TMX3: variants seen among roughly 807,000 people sequenced by gnomAD.
TMX3 encodes the protein thioredoxin related transmembrane protein 3, also known as protein disulfide-isomerase TMX3.
A neutral mutation model predicts 64.4 loss-of-function variants in TMX3; 40 were observed. The observed-to-expected ratio is 0.62, with a 90% CI of 0.48 to 0.81. The LOEUF is 0.81. Among genes scored for constraint, TMX3 ranks in the 30% least tolerant of loss-of-function variants. TMX3 has a pLI of 0.00. For synonymous variants in TMX3, 189 were observed against 175.7 expected, an observed-to-expected ratio of 1.08 and a Z score of -0.60; for missense variants, 497 against 534.5, an observed-to-expected ratio of 0.93 and a Z score of 0.69.
chr18:68,703,592 C>T (rs1339341754), intron 4 of TMX3, among the ~76,000 whole-genome samples: 2 of 152,156 alleles, frequency 1.3e-5, no homozygotes, highest in Non-Finnish European at 2.9e-5. Context: ...TTAACCTTCG[C>T]TTCTGACATA....
Position 68,697,315 on chromosome 18 carries a change from C to T in TMX3, c.493-12G>A. The T allele has an allele frequency of 6.8e-7, 1 of 1,475,140 alleles. No individual in the cohort carries two copies. Among genetic ancestry groups the T allele is most frequent in the African/African-American group, 1.4e-5 (1 of 70,384 alleles). The allele number at this position is 1,475,140 out of a possible 1,614,324, so 91.4% of individuals were successfully genotyped here. On this transcript the variant is annotated splice_polypyrimidine_tract_variant and intron_variant, in intron 7 of 15. Transcript: ENST00000299608. ...TCTATGTATTTCTCCTATGAAGATA[C>T]AAACAGAAAAAAGATCATTGAAAAA...
In TMX3 at chr18:68,698,030, C is replaced by T. The variant is rs1471249607; in HGVS notation, c.394G>A (p.Ala132Thr). 8 of 1,606,382 alleles carry T rather than the reference C, an allele frequency of 5.0e-6. No individual in the cohort carries two copies. The highest frequency in any genetic ancestry group is 3.3e-5 in the South Asian group (3 of 90,116). Residue 132 changes from alanine to threonine, a missense_variant and splice_region_variant, in exon 7 of 16, where the codon GCT becomes ACT. By Grantham distance (58) the Ala-to-Thr change is moderately conservative. Around this residue, in one of 3 missense-constraint regions of TMX3, gnomAD observed 360 missense variants for 383.5 expected, o/e 0.94. Coordinates refer to ENST00000299608, the MANE Select transcript of TMX3 (RefSeq NM_019022.5). ...TGACTTGGAAGTGGCCGAATTAGAG[C>T]CCTGTTGCACAACAAAACAAAAAAC... Reference protein sequence around the residue: ...IIEFAHRVSGALIRPLPSQQM... With the variant: ...IIEFAHRVSGTLIRPLPSQQM...
At position 68,691,294 on chromosome 18, in the gene TMX3, C is replaced by A. The variant is rs1414589482; in HGVS notation, c.637+1G>T. 2 of 1,576,024 alleles carry A rather than the reference C, an allele frequency of 1.3e-6. No homozygotes were observed. Among genetic ancestry groups the A allele is most frequent in the Non-Finnish European group, 1.7e-6 (2 of 1,156,218 alleles). Reference sequence around the variant, plus strand: ...ACATGAGTTAAAGATTTGGAACTTACCATCATAAACAAAGTAAGTTTCATC... The same window carrying A: ...ACATGAGTTAAAGATTTGGAACTTAACATCATAAACAAAGTAAGTTTCATC... On this transcript the variant is annotated splice_donor_variant, in intron 9 of 15. Transcript: ENST00000299608. LOFTEE classifies it high-confidence loss of function.
intron 5 of TMX3, 199 bp from the exon 6 acceptor site, chr18:68,700,684 T>C: frequency 1.1e-6 from 1 of 939,132 alleles, no homozygotes; most frequent in Non-Finnish European, 1.3e-6. Flanking sequence ...AGAGGCTGTA[T>C]TCTATTAAAA....
intron 4 of TMX3, among the ~76,000 whole-genome samples, chr18:68,707,850 G>A (rs901650097): frequency 6.6e-6 from 1 of 152,072 alleles, no homozygotes; most frequent in African/African-American, 2.4e-5. Context: ...AATATTGATT[G>A]AGTGAATACA....
chr18:68,711,468 G>A (rs9967380), intron 2 of TMX3, 65 bp from the exon 3 acceptor site: 2 of 1,132,660 alleles, frequency 1.8e-6, no homozygotes, highest in African/African-American at 3.2e-5. Flanking sequence ...GTATAGTATA[G>A]GCAGAGATAA....
rs1287131242 is a variant in TMX3 at position 68,700,608 on chromosome 18, G to C, written c.312-123C>G. The C allele has an allele frequency of 4.9e-6, 5 of 1,026,900 alleles. No individual in the cohort carries two copies. In the East Asian group the frequency reaches 9.3e-5, roughly 19 times the overall value. 63.6% of individuals were successfully genotyped at this position (1,026,900 alleles called of 1,614,324 possible). A position where few individuals can be genotyped will look rare whatever the true frequency, so the allele number is the denominator to read the frequency against. On this transcript the variant is annotated intron_variant, in intron 5 of 15. Coordinates refer to ENST00000299608, the MANE Select transcript of TMX3 (RefSeq NM_019022.5). The stretch of plus-strand genomic sequence containing the variant: ...AAATAGTAAATGCAGAGAAGTTTTA[G>C]AAGTAGCTCTCATGTAAAATATGGT...
chr18:68,676,838 T>C lies in TMX3; in HGVS notation c.*95A>G, dbSNP rs1432273227. 11 of 1,452,098 alleles carry C rather than the reference T, an allele frequency of 7.6e-6. No individual in the cohort carries two copies. In the Admixed American group the frequency reaches 1.4e-4, roughly 18 times the overall value. 90.0% of individuals were successfully genotyped at this position (1,452,098 alleles called of 1,614,324 possible). ...TATTAGCAAAATACGAATAACATGT[T>C]CTTTTCTGTAAAGATCATGATTAAA... On this transcript the variant is annotated 3_prime_UTR_variant, in exon 16 of 16. Transcript: ENST00000299608.
At chr18:68,680,330 G>T (rs1304408997) in intron 14 of TMX3, among the ~76,000 whole-genome samples, 2 of 152,032 alleles carry the variant, frequency 1.3e-5, no homozygotes, top group Non-Finnish European at 2.9e-5. Context: ...ATGCATGCTG[G>T]TCACAACCTG....
chr18:68,677,168 A>G lies in TMX3; in HGVS notation c.1130T>C (p.Met377Thr). The G allele has an allele frequency of 6.2e-7, 1 of 1,613,700 alleles. No individual in the cohort carries two copies. The highest frequency in any genetic ancestry group is 8.5e-7 in the Non-Finnish European group (1 of 1,179,668). Residue 377 changes from methionine to threonine, a missense_variant, in exon 16 of 16, where the codon ATG (methionine) becomes ACG (threonine). Met to Thr is a moderately conservative substitution (Grantham distance 81). Around this residue, in one of 3 missense-constraint regions of TMX3, gnomAD observed 43 missense variants for 75.3 expected, o/e 0.57. Coordinates refer to ENST00000299608, the MANE Select transcript of TMX3 (RefSeq NM_019022.5). ...TGGCAGGCCAAAGAGAAAGCAGCCCATCAGTGGTGAGCTCTTGAATATAGA... is the reference window on the plus strand; with the variant it reads ...TGGCAGGCCAAAGAGAAAGCAGCCCGTCAGTGGTGAGCTCTTGAATATAGA... ...IVSIFKSSPL[M>T]GCFLFGLPLG...
chr18:68,689,521 T>A (rs1228104294), intron 9 of TMX3, among the ~76,000 whole-genome samples: 1 of 148,848 alleles, frequency 6.7e-6, no homozygotes, highest in East Asian at 2.0e-4. Context: ...GGAAAAAAAA[T>A]CTCTTTAATC....
At chr18:68,684,135 T>C (rs1182686658) in intron 12 of TMX3, 55 bp downstream of exon 12, 2 of 1,341,548 alleles carry the variant, frequency 1.5e-6, no homozygotes, top group Non-Finnish European at 2.1e-6. Flanking sequence ...CTTTACTAAA[T>C]TACAAAATGG....
chr18:68,676,357 A>G lies in TMX3; in HGVS notation c.*576T>C, dbSNP rs1363126253. ...TGATAATGCAACTGAGTATAAAGTT[A>G]AAAAGTAACATTTCTTCTCCTTTAA... On this transcript the variant is annotated 3_prime_UTR_variant, in exon 16 of 16. Transcript: ENST00000299608. 1 of 152,274 alleles carries G rather than the reference A, an allele frequency of 6.6e-6. No homozygotes were observed. Among genetic ancestry groups the G allele is most frequent in the Non-Finnish European group, 1.5e-5 (1 of 68,088 alleles). 9.4% of individuals were successfully genotyped at this position (152,274 alleles called of 1,614,324 possible). A position where few individuals can be genotyped will look rare whatever the true frequency, so the allele number is the denominator to read the frequency against.
In TMX3 at chr18:68,696,119, T is replaced by A. The variant is rs145900230; in HGVS notation, c.570+1107A>T. ...TTGACCAATCAACCTACAGCACCCATCCCACTCCTATTTGCCCCAACTATT... is the reference window on the plus strand; with the variant it reads ...TTGACCAATCAACCTACAGCACCCAACCCACTCCTATTTGCCCCAACTATT... On this transcript the variant is annotated intron_variant, in intron 8 of 15. Transcript: ENST00000299608. Among the ~76,000 whole-genome samples the A allele has an allele frequency of 7.2e-3, 1,097 of 152,256 alleles. 6 individuals carry two copies. Among genetic ancestry groups the A allele is most frequent in the Non-Finnish European group, 0.011 (737 of 68,014 alleles).
intron 14 of TMX3, 110 bp from the exon 15 acceptor site, chr18:68,679,641 T>A (rs1324616962): frequency 1.2e-6 from 1 of 836,832 alleles, no homozygotes; most frequent in Non-Finnish European, 1.8e-6. Flanking sequence ...AAATATTACA[T>A]AATCACCTGA....
At position 68,676,806 on chromosome 18, in the gene TMX3, C is replaced by A. The variant is rs1185925896; in HGVS notation, c.*127G>T. ...TATGGAGGGACTACTTTAATCCATGCAGTTGATATTAGCAAAATACGAATA... is the reference window on the plus strand; with the variant it reads ...TATGGAGGGACTACTTTAATCCATGAAGTTGATATTAGCAAAATACGAATA... On this transcript the variant is annotated 3_prime_UTR_variant, in exon 16 of 16. Transcript: ENST00000299608. 1 of 1,176,298 alleles carries A rather than the reference C, an allele frequency of 8.5e-7. No homozygotes were observed. The highest frequency in any genetic ancestry group is 2.5e-5 in the East Asian group (1 of 39,352). 72.9% of individuals were successfully genotyped at this position (1,176,298 alleles called of 1,614,324 possible).
At chr18:68,708,726 G>C (rs527491866) in intron 4 of TMX3, among the ~76,000 whole-genome samples, 124 of 152,166 alleles carry the variant, frequency 8.1e-4, no homozygotes, top group African/African-American at 2.8e-3. Flanking sequence ...ACCTCATACT[G>C]ACAAGTGATA....
chr18:68,679,362 A>G (rs1485578405), intron 15 of TMX3, 101 bp downstream of exon 15: 1 of 850,980 alleles, frequency 1.2e-6, no homozygotes, highest in Non-Finnish European at 1.8e-6. Flanking sequence ...TTAAAAAGAC[A>G]TATTTTGACC....
intron 4 of TMX3, 40 bp downstream of exon 4, chr18:68,709,981 C>T (rs376433813): frequency 3.3e-6 from 5 of 1,527,782 alleles, no homozygotes; most frequent in Non-Finnish European, 4.4e-6. Context: ...AATGTTTTTG[C>T]TGTGAGAACA....
Sources: gnomAD v4.1 joint callset for allele counts (sites outside exome capture counted in the v4.1 genomes callset) on GRCh38, gnomAD v4.1.1 for gene constraint, gnomAD v4.1.1 regional missense constraint, MANE v1.5 for transcripts, NCBI Gene and HGNC (gene_info 2026-07-23, HGNC 2026-07-21) for gene names.